Variants in TET1 observed in about 807,000 individuals in gnomAD.
TET1 encodes methylcytosine dioxygenase TET1.
Under a neutral mutation model 148.7 loss-of-function variants are expected in TET1, and 13 were observed. The ratio of observed to expected loss-of-function variants is 0.09; its 90% confidence interval spans 0.06 to 0.14. The LOEUF is 0.14. Ranked by LOEUF, TET1 falls within the 10% of genes least tolerant of loss-of-function variation. TET1 has a pLI of 1.00. For missense variants in TET1, 2,182 were observed against 2,553.8 expected, an observed-to-expected ratio of 0.85 and a Z score of 3.14; for synonymous variants, 907 against 937.2, an observed-to-expected ratio of 0.97 and a Z score of 0.59.
At chr10:68,599,637 G>A (rs12249063) in intron 2 of TET1, among the ~76,000 whole-genome samples, 32,983 of 152,126 alleles carry the variant, frequency 0.22, 3,775 homozygotes, top group African/African-American at 0.29. Context: ...CCCGATCCCT[G>A]GGAAGTGGGT....
At chr10:68,569,810 T>C (rs1280503076) in intron 1 of TET1, among the ~76,000 whole-genome samples, 1 of 152,000 alleles carries the variant, frequency 6.6e-6, no homozygotes, top group East Asian at 1.9e-4. Context: ...TAATTAAAAA[T>C]GCATGAAACT....
In TET1 at chr10:68,644,927, C is replaced by G; in HGVS notation, c.2198C>G (p.Ala733Gly). Residue 733 changes from alanine to glycine, a missense_variant, in exon 4 of 12, where the codon GCT becomes GGT. This residue lies in a region of TET1 where 226 missense variants were observed against 307.4 expected (regional missense o/e 0.74). Coordinates refer to ENST00000373644, the MANE Select transcript of TET1 (RefSeq NM_030625.3). ...KGDFSANVPE[A>G]EKSKNSEVDK... ...GATTTTAGTGCTAATGTCCCAGAAG[C>G]TGAAAAATCGAAAAACTCTGAAGTT... The G allele has an allele frequency of 6.2e-7, 1 of 1,611,518 alleles. No homozygotes were observed. The highest frequency in any genetic ancestry group is 8.5e-7 in the Non-Finnish European group (1 of 1,179,258).
At chr10:68,577,173 G>A (rs1247586124) in intron 2 of TET1, among the ~76,000 whole-genome samples, 1 of 152,088 alleles carries the variant, frequency 6.6e-6, no homozygotes, top group Non-Finnish European at 1.5e-5. Flanking sequence ...GCCTCCCAAA[G>A]TGCTGGGATT....
intron 3 of TET1, among the ~76,000 whole-genome samples, chr10:68,624,438 C>T (rs1390853835): frequency 1.3e-5 from 2 of 151,910 alleles, no homozygotes; most frequent in Non-Finnish European, 1.5e-5. Context: ...TACAGGCATG[C>T]GCCACCACAC....
At chr10:68,636,681 T>G (rs1215844815) in intron 3 of TET1, among the ~76,000 whole-genome samples, 1 of 152,106 alleles carries the variant, frequency 6.6e-6, no homozygotes, top group Non-Finnish European at 1.5e-5. Context: ...GAAGCCTGGC[T>G]CTAGTGAAGA....
rs759971913 is a variant in TET1, at chr10:68,574,294, G to A, written c.1914+42G>A. 3.9e-6 allele frequency: 6 copies of A among 1,522,158 alleles called. No individual in the cohort carries two copies. In the Admixed American group the frequency reaches 7.3e-5, roughly 18 times the overall value. 94.3% of individuals were successfully genotyped at this position (1,522,158 alleles called of 1,614,324 possible). A position where few individuals can be genotyped will look rare whatever the true frequency, so the allele number is the denominator to read the frequency against. Reference sequence around the variant, plus strand: ...GGGGCTGGGAGACAGCTGACACTTGGTATAGTGATCTATATGCAGAGACAC... The same window carrying A: ...GGGGCTGGGAGACAGCTGACACTTGATATAGTGATCTATATGCAGAGACAC... On this transcript the variant is annotated intron_variant, in intron 2 of 11. Coordinates refer to ENST00000373644, the MANE Select transcript of TET1 (RefSeq NM_030625.3).
Position 68,645,687 on chromosome 10 carries a change from T to C in TET1, c.2958T>C (p.Thr986=), listed in dbSNP as rs763448695. The stretch of plus-strand genomic sequence containing the variant: ...CCAACTCACATATCAACTCAGCTAC[T>C]AACCAAGCATCCACAAAGTCACATG... The part of the protein sequence containing the change: ...TLSNSHINSA[T]NQASTKSHEY... Residue 986 remains threonine (T), a synonymous_variant, in exon 4 of 12, where the codon ACT becomes ACC. Coordinates refer to ENST00000373644, the MANE Select transcript of TET1 (RefSeq NM_030625.3). 2 of 1,614,198 alleles carry C rather than the reference T, an allele frequency of 1.2e-6. No homozygotes were observed. Among genetic ancestry groups the C allele is most frequent in the Admixed American group, 1.7e-5 (1 of 60,014 alleles).
At chr10:68,622,000 C>A (rs1346225587) in intron 3 of TET1, among the ~76,000 whole-genome samples, 3 of 152,090 alleles carry the variant, frequency 2.0e-5, no homozygotes, top group Non-Finnish European at 4.4e-5. Context: ...TACTCTTTAT[C>A]CAACATCCCC....
intron 3 of TET1, among the ~76,000 whole-genome samples, chr10:68,620,630 T>C (rs1221129490): frequency 1.3e-5 from 2 of 151,782 alleles, no homozygotes; most frequent in Non-Finnish European, 2.9e-5. Context: ...AATCCTGCTA[T>C]AGTCATTCAT....
Position 68,573,567 on chromosome 10 carries a change from G to A in TET1, c.1229G>A (p.Gly410Asp), listed in dbSNP as rs753805259. The A allele has an allele frequency of 6.8e-6, 11 of 1,613,996 alleles. No individual in the cohort carries two copies. The Admixed American group carries it at 8.3e-5, about 12-fold the overall frequency. The change falls in exon 2 of 12, where the codon GGT (glycine) becomes GAT (aspartate). Residue 410 changes from glycine to aspartate, a missense_variant. Transcript: ENST00000373644. Reference sequence around the variant, plus strand: ...ATTCCAGTCCAAGGAGAGGTCTTTGGTACTATTTTAGACCAACAAGAAACT... The same window carrying A: ...ATTCCAGTCCAAGGAGAGGTCTTTGATACTATTTTAGACCAACAAGAAACT... ...GAIPVQGEVF[G>D]TILDQQETLG...
intron 1 of TET1, among the ~76,000 whole-genome samples, chr10:68,564,065 T>C (rs1349807936): frequency 2.0e-5 from 3 of 152,168 alleles, no homozygotes; most frequent in African/African-American, 7.2e-5. Flanking sequence ...GTTAGTTGGG[T>C]TATTATCTCC....
chr10:68,583,191 T>A (rs1342040922), intron 2 of TET1, among the ~76,000 whole-genome samples: 1 of 152,190 alleles, frequency 6.6e-6, no homozygotes. Flanking sequence ...TAACTTCAGA[T>A]CTCTTTTTGT....
At chr10:68,563,552 T>C (rs2053576538) in intron 1 of TET1, among the ~76,000 whole-genome samples, 1 of 152,224 alleles carries the variant, frequency 6.6e-6, no homozygotes, top group African/African-American at 2.4e-5. Context: ...AAATATGACT[T>C]TAATTTAACA....
Position 68,573,878 on chromosome 10 carries a change from G to A in TET1, c.1540G>A (p.Gly514Arg). The A allele has an allele frequency of 6.2e-7, 1 of 1,614,098 alleles. No individual in the cohort carries two copies. Among genetic ancestry groups the A allele is most frequent in the Non-Finnish European group, 8.5e-7 (1 of 1,180,036 alleles). Residue 514 changes from glycine (G) to arginine (R), a missense_variant, in exon 2 of 12, where the codon GGG (glycine) becomes AGG (arginine). By Grantham distance (125) the Gly-to-Arg change is moderately radical. Transcript: ENST00000373644. ...HISFLPANTQGFPLAPERGLF... is the reference protein window; with the variant it reads ...HISFLPANTQRFPLAPERGLF... The stretch of plus-strand genomic sequence containing the variant: ...AAGCTTCCTGCCAGCTAACACTCAG[G>A]GGTTCCCATTAGCCCCTGAGAGAGG...
chr10:68,586,855 A>G (rs1392397026), intron 2 of TET1, among the ~76,000 whole-genome samples: 2 of 152,204 alleles, frequency 1.3e-5, no homozygotes, highest in Admixed American at 1.3e-4. Context: ...TGTGTCTGCT[A>G]TACAACAGAT....
rs557687061 is a variant in TET1, at chr10:68,661,083, G to T, written c.4462-5962G>T. On this transcript the variant is annotated intron_variant, in intron 6 of 11. Transcript: ENST00000373644. ...CTTGCTCTGTCGCCCAGGCTGGAGT[G>T]CAGTGGTGCGATCTCGGCTCACTGC... Among the ~76,000 whole-genome samples, 179 of 151,058 alleles carry T rather than the reference G, an allele frequency of 1.2e-3. 2 individuals carry two copies. Among genetic ancestry groups the T allele is most frequent in the African/African-American group, 4.1e-3 (168 of 41,164 alleles).
intron 3 of TET1, among the ~76,000 whole-genome samples, chr10:68,612,911 C>T (rs181285657): frequency 6.6e-6 from 1 of 152,308 alleles, no homozygotes; most frequent in Admixed American, 6.5e-5. Context: ...ACCCACCATG[C>T]CTGGCTGCTT....
chr10:68,565,389 G>A (rs1418092959), intron 1 of TET1, among the ~76,000 whole-genome samples: 1 of 150,692 alleles, frequency 6.6e-6, no homozygotes, highest in Non-Finnish European at 1.5e-5. Context: ...GCTGAGGTGG[G>A]AGGATCACTT....
chr10:68,617,006 C>CTTTTTTTTTTTT (rs71019039), intron 3 of TET1, among the ~76,000 whole-genome samples: 4 of 39,614 alleles, frequency 1.0e-4, no homozygotes, highest in Non-Finnish European at 1.4e-4. Context: ...CGCGCCTGGC[C>CTTTTTTTTTTTT]TTTTTTTTTT....
Sources: gnomAD v4.1 joint callset for allele counts (sites outside exome capture counted in the v4.1 genomes callset) on GRCh38, gnomAD v4.1.1 for gene constraint, gnomAD v4.1.1 regional missense constraint, MANE v1.5 for transcripts, NCBI Gene and HGNC (gene_info 2026-07-23, HGNC 2026-07-21) for gene names.